MBD3: variants seen among roughly 807,000 people sequenced by gnomAD.
The protein encoded by MBD3 is methyl-CpG binding domain protein 3, also known as methyl-CpG-binding domain protein 3.
Under a neutral mutation model 31.2 loss-of-function variants are expected in MBD3, and 13 were observed. The ratio of observed to expected loss-of-function variants is 0.42; its 90% CI spans 0.27 to 0.66. The LOEUF (loss-of-function observed/expected upper bound fraction) is 0.66, where lower values mean the gene tolerates loss of function less well. MBD3 is among the 30% of genes least tolerant of loss of function. MBD3 has a pLI of 0.26. For synonymous variants in MBD3, 223 were observed against 187.4 expected, an observed-to-expected ratio of 1.19 and a Z score of -1.55; for missense variants, 440 against 426.5, an observed-to-expected ratio of 1.03 and a Z score of -0.28.
At chr19:1,591,656 A>G (rs2060704154) in intron 1 of MBD3, among the ~76,000 whole-genome samples, 1 of 152,018 alleles carries the variant, frequency 6.6e-6, no homozygotes, top group African/African-American at 2.4e-5. Context: ...GGAGGGCGCA[A>G]TCAAAGCTGG....
chr19:1,583,752 A>G lies in MBD3; in HGVS notation c.408+788T>C, dbSNP rs909570505. Among the ~76,000 whole-genome samples the G allele has an allele frequency of 3.3e-5, 5 of 152,136 alleles. No individual in the cohort carries two copies. The East Asian group carries it at 9.6e-4, about 29-fold the overall frequency. Reference sequence around the variant, plus strand: ...CACAAGGAACGTCACAAGCATCCACACCTCATGAGCAAGCTAGAAAATACC... The same window carrying G: ...CACAAGGAACGTCACAAGCATCCACGCCTCATGAGCAAGCTAGAAAATACC... On this transcript the variant is annotated intron_variant, in intron 3 of 6. Transcript: ENST00000434436.
In MBD3 at chr19:1,585,290, C is replaced by A. The variant is rs2060673984; in HGVS notation, c.111-76G>T. 1 of 1,486,108 alleles carries A rather than the reference C, an allele frequency of 6.7e-7. No individual in the cohort carries two copies. Among genetic ancestry groups the A allele is most frequent in the Non-Finnish European group, 9.0e-7 (1 of 1,107,758 alleles). 92.1% of individuals were successfully genotyped at this position (1,486,108 alleles called of 1,614,324 possible). A position where few individuals can be genotyped will look rare whatever the true frequency, so the allele number is the denominator to read the frequency against. On this transcript the variant is annotated intron_variant, in intron 1 of 6. Transcript: ENST00000434436. The surrounding 1 kb of genome is among the most constrained non-coding windows in gnomAD (Gnocchi z 4.1). The stretch of plus-strand genomic sequence containing the variant: ...CCCAGGCCTCGGCCGCAGACCCAAA[C>A]CCAGTCCCAGCCCCAGCTTCAGGTC...
intron 5 of MBD3, among the ~76,000 whole-genome samples, chr19:1,579,970 C>A (rs1303553452): frequency 6.6e-6 from 1 of 152,170 alleles, no homozygotes; most frequent in Non-Finnish European, 1.5e-5. Context: ...GTTGGCCAGG[C>A]TGGTCTTCAA....
intron 2 of MBD3, 55 bp from the exon 3 acceptor site, chr19:1,584,732 C>T (rs1316472940): frequency 3.2e-6 from 5 of 1,575,392 alleles, no homozygotes; most frequent in Non-Finnish European, 4.3e-6. Context: ...GGCGCGGAGC[C>T]TCAGGGGGTG....
intron 1 of MBD3, among the ~76,000 whole-genome samples, chr19:1,588,598 A>G (rs1336344280): frequency 6.6e-6 from 1 of 151,906 alleles, no homozygotes; most frequent in Non-Finnish European, 1.5e-5. Flanking sequence ...CCTGGGCAAC[A>G]TGGTGAAACC....
Position 1,578,070 on chromosome 19 carries a change from G to A in MBD3, c.*94C>T, listed in dbSNP as rs1917249679. ...CTTCCTCCTGGGTGTCTCCAAGGCT[G>A]GGCTTCGCCGCCGAGCCTGGTTCAC... On this transcript the variant is annotated 3_prime_UTR_variant, in exon 7 of 7. Coordinates refer to ENST00000434436, the MANE Select transcript of MBD3 (RefSeq NM_001281453.2). This position sits in a 1 kb window ranked among gnomAD's most constrained non-coding sequence, Gnocchi z 6.1. The A allele has an allele frequency of 8.7e-6, 5 of 574,728 alleles. No individual in the cohort carries two copies. The highest frequency in any genetic ancestry group is 3.0e-5 in the East Asian group (1 of 33,252). The allele number at this position is 574,728 out of a possible 1,614,324, so 35.6% of individuals were successfully genotyped here.
At position 1,575,877 on chromosome 19, in the gene MBD3, G is replaced by A. The variant is rs568682987; in HGVS notation, c.*2287C>T. 1 of 152,654 alleles carries A rather than the reference G, an allele frequency of 6.6e-6. No homozygotes were observed. The highest frequency in any genetic ancestry group is 2.4e-5 in the African/African-American group (1 of 41,576). 9.5% of individuals were successfully genotyped at this position (152,654 alleles called of 1,614,324 possible). On this transcript the variant is annotated 3_prime_UTR_variant, in exon 7 of 7. Coordinates refer to ENST00000434436, the MANE Select transcript of MBD3 (RefSeq NM_001281453.2). ...CCAGTGGGGAGGGCCCTGTGGCAGGGGTAGGGATCATCACATCTCAGACCA... is the reference window on the plus strand; with the variant it reads ...CCAGTGGGGAGGGCCCTGTGGCAGGAGTAGGGATCATCACATCTCAGACCA...
chr19:1,585,088 C>A lies in MBD3; in HGVS notation c.237G>T (p.Gln79His). The A allele has an allele frequency of 4.3e-6, 7 of 1,612,604 alleles. No individual in the cohort carries two copies. Among genetic ancestry groups the A allele is most frequent in the African/African-American group, 1.3e-5 (1 of 75,042 alleles). ...MLMSKMNKSR[Q>H]RVRYDSSNQV... ...GGTTGGAGGAGTCGTAGCGCACGCG[C>A]TGGCGGCTCTTGTTCATCTTGCTCA... The change falls in exon 2 of 7, where the codon CAG becomes CAT. Residue 79 changes from glutamine to histidine, a missense_variant. Gln to His is a conservative substitution (Grantham distance 24, BLOSUM62 0). Coordinates refer to ENST00000434436, the MANE Select transcript of MBD3 (RefSeq NM_001281453.2). This position sits in a 1 kb window ranked among gnomAD's most constrained non-coding sequence, Gnocchi z 4.1.
intron 1 of MBD3, among the ~76,000 whole-genome samples, chr19:1,589,003 T>G (rs1442391641): frequency 6.6e-6 from 1 of 152,106 alleles, no homozygotes; most frequent in African/African-American, 2.4e-5. Context: ...TAAATGACTG[T>G]ATTGTATGGT....
rs940001176 is a variant in MBD3 at position 1,576,238 on chromosome 19, C to G, written c.*1926G>C. On this transcript the variant is annotated 3_prime_UTR_variant, in exon 7 of 7. Transcript: ENST00000434436. The stretch of plus-strand genomic sequence containing the variant: ...CCTCCCAGCCTTCAGGTCCAGAAAG[C>G]AGCTTCCAGTGGCCATGGCTAGTGA... 3 of 152,424 alleles carry G rather than the reference C, an allele frequency of 2.0e-5. No homozygotes were observed. The highest frequency in any genetic ancestry group is 4.4e-5 in the Non-Finnish European group (3 of 68,238). 9.4% of individuals were successfully genotyped at this position (152,424 alleles called of 1,614,324 possible).
chr19:1,592,358 C>G (rs1278799652), intron 1 of MBD3, 164 bp downstream of exon 1: 4 of 179,004 alleles, frequency 2.2e-5, no homozygotes, highest in African/African-American at 9.6e-5. Flanking sequence ...CGCACGCGCA[C>G]TGGGCCTCCG....
chr19:1,579,618 C>T (rs72989710), intron 5 of MBD3, among the ~76,000 whole-genome samples: 24,526 of 152,070 alleles, frequency 0.16, 2,164 homozygotes, highest in Non-Finnish European at 0.2. Flanking sequence ...CTCCTGCAGA[C>T]CTGAGCTGCT....
At position 1,578,654 on chromosome 19, in the gene MBD3, C is replaced by T. The variant is rs886564901; in HGVS notation, c.678-116G>A. The stretch of plus-strand genomic sequence containing the variant: ...AGGCCCGAGGGATCCACAGGCACCC[C>T]CCCAGGACCAGCCCTGGCCCGTGCC... On this transcript the variant is annotated intron_variant, in intron 5 of 6. Coordinates refer to ENST00000434436, the MANE Select transcript of MBD3 (RefSeq NM_001281453.2). The surrounding 1 kb of genome is among the most constrained non-coding windows in gnomAD (Gnocchi z 6.1). 3.1e-6 allele frequency: 5 copies of T among 1,588,516 alleles called. No individual in the cohort carries two copies. The highest frequency in any genetic ancestry group is 3.3e-5 in the Admixed American group (2 of 59,914).
chr19:1,580,212 AAG>A (rs1917318422), intron 5 of MBD3, among the ~76,000 whole-genome samples: 1 of 152,166 alleles, frequency 6.6e-6, no homozygotes, highest in Non-Finnish European at 1.5e-5. Flanking sequence ...TCAAACCCAA[AAG>A]AGGGGGCCCA....
At chr19:1,582,531 C>T (rs2060657579) in intron 4 of MBD3, 91 bp downstream of exon 4, 3 of 1,241,294 alleles carry the variant, frequency 2.4e-6, no homozygotes, top group Middle Eastern at 2.6e-4. Context: ...GCAGGAACAG[C>T]CATCCACCCT....
chr19:1,579,224 A>T (rs959416234), intron 5 of MBD3, among the ~76,000 whole-genome samples: 1 of 149,674 alleles, frequency 6.7e-6, no homozygotes, highest in African/African-American at 2.5e-5. Flanking sequence ...GCCTCACCAA[A>T]ATCAGCTACC....
At chr19:1,586,516 C>T (rs2060679944) in intron 1 of MBD3, among the ~76,000 whole-genome samples, 1 of 152,148 alleles carries the variant, frequency 6.6e-6, no homozygotes, top group Non-Finnish European at 1.5e-5. Flanking sequence ...CTTCGTTTCT[C>T]TCTTTCCTTT....
Position 1,585,260 on chromosome 19 carries a change from C to A in MBD3, c.111-46G>T, listed in dbSNP as rs748180549. On this transcript the variant is annotated intron_variant, in intron 1 of 6. Coordinates refer to ENST00000434436, the MANE Select transcript of MBD3 (RefSeq NM_001281453.2). The surrounding 1 kb of genome is among the most constrained non-coding windows in gnomAD (Gnocchi z 4.1). Reference sequence around the variant, plus strand: ...CGGCGCCCCGGGCGGACCCCAGACCCCAAACCCAGGCCTCGGCCGCAGACC... The same window carrying A: ...CGGCGCCCCGGGCGGACCCCAGACCACAAACCCAGGCCTCGGCCGCAGACC... The A allele has an allele frequency of 2.0e-6, 3 of 1,537,124 alleles. No individual in the cohort carries two copies. Among genetic ancestry groups the A allele is most frequent in the Non-Finnish European group, 1.7e-6 (2 of 1,147,554 alleles).
intron 1 of MBD3, among the ~76,000 whole-genome samples, chr19:1,587,815 C>A (rs1028665593): frequency 5.9e-5 from 9 of 152,200 alleles, no homozygotes; most frequent in Admixed American, 5.2e-4. Context: ...AGTCAACAGT[C>A]ACTTTTATTA....
Sources: gnomAD v4.1 joint callset for allele counts (sites outside exome capture counted in the v4.1 genomes callset) on GRCh38, gnomAD v4.1.1 for gene constraint, Gnocchi (gnomAD v3.1) non-coding constraint, MANE v1.5 for transcripts, NCBI Gene and HGNC (gene_info 2026-07-23, HGNC 2026-07-21) for gene names.